Variants in AUTS2 observed in about 807,000 individuals in gnomAD.
AUTS2 encodes activator of transcription and developmental regulator AUTS2.
A neutral mutation model predicts 112.4 loss-of-function variants in AUTS2; 17 were observed. The observed-to-expected ratio is 0.15, with a 90% CI of 0.10 to 0.23. AUTS2 has a LOEUF of 0.23. Among genes scored for constraint, AUTS2 ranks in the 10% least tolerant of loss-of-function variants. The pLI, the probability that AUTS2 is intolerant of heterozygous loss-of-function variation, is 1.00. For synonymous variants in AUTS2, 751 were observed against 702.7 expected (o/e 1.07, Z -1.09); for missense variants, 1,510 against 1,701.6 (o/e 0.89, Z 1.98).
intron 5 of AUTS2, among the ~76,000 whole-genome samples, chr7:70,488,999 ATGACAGTCCTGT>A (rs1279735764): frequency 6.6e-6 from 1 of 152,172 alleles, no homozygotes; most frequent in East Asian, 1.9e-4. Flanking sequence ...TAATGGGATG[ATGACAGTCCTGT>A]TCAGCAAAAT....
chr7:70,227,517 TCTC>T (rs1423477316), intron 4 of AUTS2, among the ~76,000 whole-genome samples: 4 of 152,110 alleles, frequency 2.6e-5, no homozygotes, highest in Admixed American at 2.6e-4. Context: ...TCTCTCTTCT[TCTC>T]CATTCTTTGA....
intron 1 of AUTS2, among the ~76,000 whole-genome samples, chr7:69,752,212 G>A (rs747873483): frequency 1.3e-5 from 2 of 152,216 alleles, no homozygotes; most frequent in Non-Finnish European, 2.9e-5. Flanking sequence ...GAGTCAGTGG[G>A]CTGGGGTGGG....
At chr7:69,906,648 C>T (rs953765437) in intron 2 of AUTS2, among the ~76,000 whole-genome samples, 1 of 152,194 alleles carries the variant, frequency 6.6e-6, no homozygotes, top group African/African-American at 2.4e-5. Context: ...CAGGCAGACG[C>T]AGGCAATTCT....
chr7:70,195,308 C>T (rs1810114784), intron 4 of AUTS2, among the ~76,000 whole-genome samples: 1 of 152,000 alleles, frequency 6.6e-6, no homozygotes, highest in African/African-American at 2.4e-5. Context: ...TATTCTTTTC[C>T]AAGATATAAA....
intron 3 of AUTS2, among the ~76,000 whole-genome samples, chr7:70,124,202 GT>G (rs1438117455): frequency 6.6e-6 from 1 of 152,118 alleles, no homozygotes; most frequent in Admixed American, 6.5e-5. Context: ...TAATGGAGTT[GT>G]TTGGTTTTGT....
At chr7:70,625,046 A>G (rs1804866583) in intron 5 of AUTS2, among the ~76,000 whole-genome samples, 1 of 151,720 alleles carries the variant, frequency 6.6e-6, no homozygotes, top group Middle Eastern at 3.4e-3. Flanking sequence ...ATTGCCTCCT[A>G]TGTTCTTGGG....
chr7:70,722,965 A>G (rs1207593448), intron 6 of AUTS2, among the ~76,000 whole-genome samples: 1 of 152,146 alleles, frequency 6.6e-6, no homozygotes, highest in African/African-American at 2.4e-5. Context: ...ACTGCAGTTT[A>G]TTATTTAAAT....
At chr7:70,643,451 A>G (rs561131836) in intron 5 of AUTS2, among the ~76,000 whole-genome samples, 1 of 152,288 alleles carries the variant, frequency 6.6e-6, no homozygotes, top group African/African-American at 2.4e-5. Flanking sequence ...CGTGCCTGTA[A>G]TCCCAGCTAC....
intron 5 of AUTS2, among the ~76,000 whole-genome samples, chr7:70,438,145 G>A (rs1426451646): frequency 6.6e-6 from 1 of 152,072 alleles, no homozygotes; most frequent in Non-Finnish European, 1.5e-5. Context: ...CCAATACTGA[G>A]AGCACCCCAC....
intron 4 of AUTS2, among the ~76,000 whole-genome samples, chr7:70,225,410 T>G (rs1811710687): frequency 6.6e-6 from 1 of 152,174 alleles, no homozygotes; most frequent in Admixed American, 6.5e-5. Flanking sequence ...TAATTTCTCT[T>G]ATAGCATCTT....
chr7:69,776,950 T>C (rs997540524), intron 1 of AUTS2, among the ~76,000 whole-genome samples: 7 of 152,230 alleles, frequency 4.6e-5, no homozygotes, highest in African/African-American at 1.7e-4. Context: ...TGGTTGCTTA[T>C]TCAGTAAACC....
In AUTS2 at chr7:70,311,862, C is replaced by T. The variant is rs1221194524; in HGVS notation, c.661-123890C>T. Among the ~76,000 whole-genome samples, 5 of 152,190 alleles carry T rather than the reference C, an allele frequency of 3.3e-5. No individual in the cohort carries two copies. In the East Asian group the frequency reaches 9.6e-4, roughly 29 times the overall value. On this transcript the variant is annotated intron_variant, in intron 4 of 18. Transcript: ENST00000342771. The stretch of plus-strand genomic sequence containing the variant: ...TTCCCAAGTAGCTGGGACTACAGCA[C>T]CCACCACCACGCCTGGCTAATTTTT...
chr7:70,576,300 G>C (rs1174948464), intron 5 of AUTS2, among the ~76,000 whole-genome samples: 1 of 152,152 alleles, frequency 6.6e-6, no homozygotes, highest in African/African-American at 2.4e-5. Context: ...AGGGGTCAAA[G>C]AGAGGGATCC....
intron 6 of AUTS2, among the ~76,000 whole-genome samples, chr7:70,729,816 T>C (rs1787260296): frequency 6.6e-6 from 1 of 152,176 alleles, no homozygotes; most frequent in Non-Finnish European, 1.5e-5. Flanking sequence ...GAACTTCTAA[T>C]TTCCTCTTGC....
At chr7:70,116,859 C>A (rs1805381808) in intron 2 of AUTS2, among the ~76,000 whole-genome samples, 1 of 152,132 alleles carries the variant, frequency 6.6e-6, no homozygotes. Context: ...TCTTTTACTG[C>A]CTTTTTCTTG....
intron 6 of AUTS2, among the ~76,000 whole-genome samples, chr7:70,727,202 T>A (rs1160123361): frequency 1.3e-5 from 2 of 152,208 alleles, no homozygotes; most frequent in Non-Finnish European, 2.9e-5. Context: ...AACAATTCCC[T>A]CCAGGCCAGC....
At chr7:70,475,001 TA>T (rs1385113781) in intron 5 of AUTS2, among the ~76,000 whole-genome samples, 8 of 152,282 alleles carry the variant, frequency 5.3e-5, no homozygotes, top group African/African-American at 1.9e-4. Flanking sequence ...CAGTGACATT[TA>T]TATCTGCTTT....
Position 70,121,046 on chromosome 7 carries a change from C to G in AUTS2, c.624+2813C>G, listed in dbSNP as rs77877512. ...TGGAGAGCCCAGAAGGGAGCCCATA[C>G]TTATATGCCTAAATGAGTTTTAACA... On this transcript the variant is annotated intron_variant, in intron 3 of 18. Transcript: ENST00000342771. Among the ~76,000 whole-genome samples, 1,180 of 152,264 alleles carry G rather than the reference C, an allele frequency of 7.7e-3. 15 individuals are homozygous for G. Among genetic ancestry groups the G allele is most frequent in the South Asian group, 0.041 (198 of 4,830 alleles).
chr7:70,072,999 C>G (rs1205724149), intron 2 of AUTS2, among the ~76,000 whole-genome samples: 1 of 150,358 alleles, frequency 6.7e-6, no homozygotes, highest in East Asian at 2.0e-4. Flanking sequence ...GGCTGGCCAG[C>G]TTTCTTGCTT....
Sources: gnomAD v4.1 joint callset for allele counts (sites outside exome capture counted in the v4.1 genomes callset) on GRCh38, gnomAD v4.1.1 for gene constraint, MANE v1.5 for transcripts, NCBI Gene and HGNC (gene_info 2026-07-23, HGNC 2026-07-21) for gene names.